BEND6: variants seen among roughly 807,000 people sequenced by gnomAD.
The protein encoded by BEND6 is BEN domain-containing protein 6.
In BEND6, 24 loss-of-function variants were observed where a neutral mutation model predicts 31.8. That is an observed-to-expected ratio of 0.75 (90% CI 0.55 to 1.06). BEND6 has a LOEUF of 1.06. Ranked by LOEUF, BEND6 falls within the 50% of genes least tolerant of loss-of-function variation. BEND6 has a pLI of 0.00. For synonymous variants in BEND6, 109 were observed against 114.6 expected (o/e 0.95, Z 0.31); for missense variants, 294 against 327.4 (o/e 0.90, Z 0.79).
In BEND6 at chr6:57,018,541, T is replaced by C. The variant is rs1827640694; in HGVS notation, c.833T>C (p.Ile278Thr). 1.3e-6 allele frequency: 2 copies of C among 1,547,920 alleles called. No individual in the cohort carries two copies. Among genetic ancestry groups the C allele is most frequent in the Non-Finnish European group, 1.7e-6 (2 of 1,154,946 alleles). The change falls in exon 6 of 7, where the codon ATT becomes ACT. Residue 278 changes from isoleucine to threonine, a missense_variant. Coordinates refer to ENST00000370746, the MANE Select transcript of BEND6 (RefSeq NM_152731.3). ...AGCAAAAATCTTAACTCTCAGGATA[T>C]TAAATAGATCCTTTTGGTAAGTCTT... ...NLSKNLNSQD[I>T]K
At chr6:56,982,730 C>T (rs1051564203) in intron 2 of BEND6, among the ~76,000 whole-genome samples, 42 of 151,890 alleles carry the variant, frequency 2.8e-4, no homozygotes, top group African/African-American at 9.2e-4. Context: ...TCCCTGTCTC[C>T]CACCTACCCT....
In BEND6 at chr6:57,007,292, TA is replaced by T. The variant is rs36090187; in HGVS notation, c.299-7827del. Among the ~76,000 whole-genome samples, 825 of 139,546 alleles carry T rather than the reference TA, an allele frequency of 5.9e-3. 5 individuals carry two copies. The highest frequency in any genetic ancestry group is 0.012 in the Admixed American group (170 of 13,938). The allele number at this position is 139,546 out of a possible 152,430, so 91.5% of individuals were successfully genotyped here. A position where few individuals can be genotyped will look rare whatever the true frequency, so the allele number is the denominator to read the frequency against. On this transcript the variant is annotated intron_variant, in intron 3 of 6. Coordinates refer to ENST00000370746, the MANE Select transcript of BEND6 (RefSeq NM_152731.3). ...GATGGAGTGAGACCATGTCTCAAATTAAAAAAAAAAAAAATCATGCTGGGAA... is the reference window on the plus strand; with the variant it reads ...GATGGAGTGAGACCATGTCTCAAATTAAAAAAAAAAAAATCATGCTGGGAA...
chr6:56,957,088 G>A (rs1445930146), intron 1 of BEND6, among the ~76,000 whole-genome samples: 1 of 152,096 alleles, frequency 6.6e-6, no homozygotes, highest in East Asian at 1.9e-4. Context: ...TATTCAAATT[G>A]CCCCAAACGC....
chr6:56,971,958 A>G lies in BEND6; in HGVS notation c.-100-9753A>G, dbSNP rs539578383. On this transcript the variant is annotated intron_variant, in intron 1 of 6. Coordinates refer to ENST00000370746, the MANE Select transcript of BEND6 (RefSeq NM_152731.3). ...TTTGATGCACAAAACTTTAATTTGCATGAAGTCCAATATTCCTGTTTTTTG... is the reference window on the plus strand; with the variant it reads ...TTTGATGCACAAAACTTTAATTTGCGTGAAGTCCAATATTCCTGTTTTTTG... Among the ~76,000 whole-genome samples the G allele has an allele frequency of 2.0e-4, 31 of 152,216 alleles. 1 individual carries two copies. The South Asian group carries it at 6.4e-3, about 32-fold the overall frequency.
Position 57,019,845 on chromosome 6 carries a change from A to G in BEND6, c.*9+1288A>G, listed in dbSNP as rs150137575. 4.8e-3 allele frequency among the ~76,000 whole-genome samples: 724 copies of G among 152,308 alleles called. 5 individuals are homozygous for G. Among genetic ancestry groups the G allele is most frequent in the African/African-American group, 0.017 (687 of 41,564 alleles). ...ATGGTGGCTCACGCCTGTAGTCCCA[A>G]TGGTTTGGGAGGCTGAGACAGACAG... On this transcript the variant is annotated intron_variant, in intron 6 of 6. Transcript: ENST00000370746.
intron 1 of BEND6, among the ~76,000 whole-genome samples, chr6:56,980,098 A>G (rs1826017528): frequency 6.6e-6 from 1 of 152,232 alleles, no homozygotes; most frequent in African/African-American, 2.4e-5. Flanking sequence ...GCATGATGTG[A>G]GAAGGAAGGA....
In BEND6 at chr6:57,018,436, TA is replaced by T; in HGVS notation, c.729del (p.Leu243PhefsTer13). On this transcript the variant is annotated frameshift_variant, in exon 6 of 7. Coordinates refer to ENST00000370746, the MANE Select transcript of BEND6 (RefSeq NM_152731.3). LOFTEE classifies it high-confidence loss of function. The part of the protein sequence containing the change: ...VQEIIGVTKQ[L>X]FPNTDDVSIR... The stretch of plus-strand genomic sequence containing the variant: ...TTTTTTACAGGAGTAACAAAACAAT[TA>T]TTTCCCAATACGGATGATGTTTCAA... 1.3e-6 allele frequency: 2 copies of T among 1,582,780 alleles called. No individual in the cohort carries two copies. The highest frequency in any genetic ancestry group is 2.4e-5 in the South Asian group (2 of 83,996).
chr6:56,985,398 C>G (rs1411599534), intron 2 of BEND6, among the ~76,000 whole-genome samples: 2 of 152,028 alleles, frequency 1.3e-5, no homozygotes, highest in East Asian at 3.9e-4. Flanking sequence ...TGTTGAGTGT[C>G]CCTCTTACCT....
rs750856180 is a variant in BEND6 at position 56,981,903 on chromosome 6, T to G, written c.93T>G (p.Asn31Lys). The change falls in exon 2 of 7, where the codon AAT becomes AAG. Residue 31 changes from asparagine to lysine, a missense_variant. Transcript: ENST00000370746. ...RKRTETMDSE[N>K]ANSDMDKGQR... is the part of the protein sequence containing the mutation. ...GAACAGAGACAATGGACTCAGAAAA[T>G]GCAAATAGTGACATGGATAAAGGAC... 29 of 1,612,022 alleles carry G rather than the reference T, an allele frequency of 1.8e-5. No homozygotes were observed. Among genetic ancestry groups the G allele is most frequent in the Non-Finnish European group, 2.4e-5 (28 of 1,179,168 alleles).
intron 3 of BEND6, among the ~76,000 whole-genome samples, chr6:56,994,118 A>G (rs752196897): frequency 5.9e-5 from 9 of 152,184 alleles, no homozygotes; most frequent in Non-Finnish European, 1.2e-4. Flanking sequence ...AGAACTTAGC[A>G]TAGGATGAAA....
intron 3 of BEND6, among the ~76,000 whole-genome samples, chr6:57,001,829 T>C (rs930460270): frequency 2.6e-5 from 4 of 152,108 alleles, no homozygotes; most frequent in Non-Finnish European, 5.9e-5. Flanking sequence ...AATAACCACA[T>C]GATAGAAACT....
At chr6:56,986,370 C>T (rs1217650614) in intron 2 of BEND6, among the ~76,000 whole-genome samples, 2 of 151,896 alleles carry the variant, frequency 1.3e-5, no homozygotes, top group East Asian at 1.9e-4. Context: ...CCCAGGAGTT[C>T]GAGGCTGCAG....
At position 56,979,196 on chromosome 6, in the gene BEND6, GTAAT is replaced by G. The variant is rs573025677; in HGVS notation, c.-100-2512_-100-2509del. The stretch of plus-strand genomic sequence containing the variant: ...GCTTCCACCTAACCTTTAATTGGGA[GTAAT>G]TAGTCTTCAAAGTATGACATGCTAA... On this transcript the variant is annotated intron_variant, in intron 1 of 6. Coordinates refer to ENST00000370746, the MANE Select transcript of BEND6 (RefSeq NM_152731.3). 9.9e-5 allele frequency among the ~76,000 whole-genome samples: 15 copies of G among 152,278 alleles called. No homozygotes were observed. The East Asian group carries it at 2.7e-3, about 27-fold the overall frequency.
At chr6:56,985,633 G>A (rs529209864) in intron 2 of BEND6, among the ~76,000 whole-genome samples, 2 of 152,284 alleles carry the variant, frequency 1.3e-5, no homozygotes, top group South Asian at 4.2e-4. Flanking sequence ...ACTGAGCCAC[G>A]TGGGAGTCAG....
chr6:56,984,806 T>G (rs1164964201), intron 2 of BEND6, among the ~76,000 whole-genome samples: 2 of 152,220 alleles, frequency 1.3e-5, no homozygotes, highest in African/African-American at 4.8e-5. Context: ...ACACCCTGCA[T>G]CTGAAGCTTA....
chr6:57,014,378 G>C, intron 3 of BEND6: 1 of 735,642 alleles, frequency 1.4e-6, no homozygotes, highest in Non-Finnish European at 2.0e-6. Flanking sequence ...CCAGCAGGCT[G>C]TGCCCTCAAC....
chr6:56,980,836 T>G (rs1451709), intron 1 of BEND6, among the ~76,000 whole-genome samples: 105,731 of 152,020 alleles, frequency 0.7, 38,107 homozygotes, highest in South Asian at 0.89. Context: ...CTATAAAGTT[T>G]TATTATTTAT....
At chr6:57,012,578 T>C (rs1223729869) in intron 3 of BEND6, among the ~76,000 whole-genome samples, 1 of 152,194 alleles carries the variant, frequency 6.6e-6, no homozygotes, top group Non-Finnish European at 1.5e-5. Flanking sequence ...CCTTTAATTG[T>C]ATGTAAATTA....
At chr6:57,015,038 C>T in intron 3 of BEND6, 95 bp from the exon 4 acceptor site, 1 of 934,488 alleles carries the variant, frequency 1.1e-6, no homozygotes, top group Non-Finnish European at 1.6e-6. Context: ...GTTTGTTCTG[C>T]ATATTTCTAT....
Sources: allele counts gnomAD v4.1 joint callset (sites outside exome capture counted in the v4.1 genomes callset), GRCh38; gene constraint gnomAD v4.1.1; transcripts MANE v1.5; gene names NCBI Gene and HGNC (gene_info 2026-07-23, HGNC 2026-07-21).